MSI2: variants seen among roughly 807,000 people sequenced by gnomAD.
MSI2 encodes RNA-binding protein Musashi homolog 2.
Under a neutral mutation model 45.6 loss-of-function variants are expected in MSI2, and 17 were observed. That is an observed-to-expected ratio of 0.37 (90% CI 0.26 to 0.56). The LOEUF (loss-of-function observed/expected upper bound fraction) is 0.56, where lower values mean the gene tolerates loss of function less well. Among genes scored for constraint, MSI2 ranks in the 20% least tolerant of loss-of-function variants. MSI2 has a pLI of 0.77. For synonymous variants in MSI2, 156 were observed against 158.2 expected, an observed-to-expected ratio of 0.99 and a Z score of 0.11; for missense variants, 293 against 444.2, an observed-to-expected ratio of 0.66 and a Z score of 3.06.
At chr17:57,287,092 T>G (rs1045889513) in intron 5 of MSI2, among the ~76,000 whole-genome samples, 2 of 151,406 alleles carry the variant, frequency 1.3e-5, no homozygotes, top group Non-Finnish European at 2.9e-5. Flanking sequence ...ATATTTATCA[T>G]CTCTATAGTA....
chr17:57,699,322 T>C, the MSI2 span, among the ~76,000 whole-genome samples: 21 of 149,228 alleles, frequency 1.4e-4, no homozygotes, highest in African/African-American at 4.4e-4. Context: ...ACTGGGACCA[T>C]GAGGGACACT....
intron 11 of MSI2, among the ~76,000 whole-genome samples, chr17:57,667,591 A>G (rs866732069): frequency 5.3e-5 from 8 of 152,034 alleles, no homozygotes; most frequent in African/African-American, 1.9e-4. Context: ...GGCCCTCCGC[A>G]CTTGCCTCCT....
intron 7 of MSI2, among the ~76,000 whole-genome samples, chr17:57,594,844 G>T (rs977500657): frequency 2.0e-5 from 3 of 152,192 alleles, no homozygotes; most frequent in African/African-American, 7.2e-5. Context: ...AGACACTCAT[G>T]TCCACTTTAT....
At chr17:57,517,051 T>C (rs1408351954) in intron 6 of MSI2, among the ~76,000 whole-genome samples, 1 of 152,230 alleles carries the variant, frequency 6.6e-6, no homozygotes, top group Non-Finnish European at 1.5e-5. Context: ...AAGTTTGTTC[T>C]CAGCAGCATT....
chr17:57,606,897 G>C (rs147831799), intron 8 of MSI2, among the ~76,000 whole-genome samples: 115 of 150,894 alleles, frequency 7.6e-4, no homozygotes, highest in Non-Finnish European at 1.2e-3. Flanking sequence ...TGGGGTGATG[G>C]GGGGGGGTGG....
At chr17:57,286,574 T>C (rs1189632590) in intron 5 of MSI2, among the ~76,000 whole-genome samples, 1 of 152,024 alleles carries the variant, frequency 6.6e-6, no homozygotes. Context: ...CTGTTGGTAA[T>C]TGTGCTTCTC....
intron 6 of MSI2, among the ~76,000 whole-genome samples, chr17:57,458,150 GA>G (rs2085152720): frequency 6.8e-6 from 1 of 147,838 alleles, no homozygotes; most frequent in Non-Finnish European, 1.5e-5. Context: ...GCCCAGGCTG[GA>G]GTGCAGTGGC....
chr17:57,679,605 A>G lies in MSI2; in HGVS notation c.*88A>G. On this transcript the variant is annotated 3_prime_UTR_variant, in exon 14 of 14. Transcript: ENST00000284073. ...GAAGTTTCTGAGTGGCCCTTTGTTT[A>G]GGTGATGTCCTCAGACCTGGACCCC... The G allele has an allele frequency of 9.4e-7, 1 of 1,063,060 alleles. No individual in the cohort carries two copies. The highest frequency in any genetic ancestry group is 1.6e-5 in the African/African-American group (1 of 61,060). The allele number at this position is 1,063,060 out of a possible 1,614,324, so 65.9% of individuals were successfully genotyped here.
At chr17:57,464,799 A>T (rs1462051402) in intron 6 of MSI2, among the ~76,000 whole-genome samples, 1 of 152,212 alleles carries the variant, frequency 6.6e-6, no homozygotes, top group Non-Finnish European at 1.5e-5. Flanking sequence ...CTCTGGCTTC[A>T]GCTTGGCCAG....
At chr17:57,678,051 A>G (rs17730996) in intron 13 of MSI2, among the ~76,000 whole-genome samples, 17,967 of 152,230 alleles carry the variant, frequency 0.12, 1,248 homozygotes, top group Middle Eastern at 0.17. Context: ...AAGCCTTTCA[A>G]TCTTGGAGTT....
chr17:57,389,002 G>A (rs1171037156), intron 5 of MSI2, among the ~76,000 whole-genome samples: 4 of 128,926 alleles, frequency 3.1e-5, no homozygotes, highest in African/African-American at 5.9e-5. Flanking sequence ...TTTTTGATAC[G>A]GAGTCTCACT....
intron 6 of MSI2, among the ~76,000 whole-genome samples, chr17:57,442,129 C>T (rs934653769): frequency 4.0e-5 from 6 of 151,890 alleles, no homozygotes; most frequent in Non-Finnish European, 5.9e-5. Flanking sequence ...CTCCACCTCC[C>T]GGGTTCAAGC....
chr17:57,358,194 T>TGG (rs1567778399), intron 5 of MSI2, among the ~76,000 whole-genome samples: 24 of 69,988 alleles, frequency 3.4e-4, no homozygotes, highest in African/African-American at 1.3e-3. Flanking sequence ...TTTTTCTGTG[T>TGG]GTGTGGGGGG....
chr17:57,479,714 G>A (rs764346607), intron 6 of MSI2, among the ~76,000 whole-genome samples: 5 of 152,108 alleles, frequency 3.3e-5, no homozygotes, highest in Non-Finnish European at 5.9e-5. Flanking sequence ...TCTTCATGGT[G>A]GGCTGTCACC....
chr17:57,695,849 C>T, the MSI2 span, among the ~76,000 whole-genome samples: 1 of 152,108 alleles, frequency 6.6e-6, no homozygotes, highest in Non-Finnish European at 1.5e-5. Context: ...CGGCTCTCTT[C>T]CTGGCTTGTA....
rs376913016 is a variant in MSI2 at position 57,588,530 on chromosome 17, G to A, written c.455-8338G>A. Among the ~76,000 whole-genome samples, 35 of 152,336 alleles carry A rather than the reference G, an allele frequency of 2.3e-4. No homozygotes were observed. In the South Asian group the frequency reaches 7.2e-3, roughly 32 times the overall value. The stretch of plus-strand genomic sequence containing the variant: ...TGCTCATCCTGGTTAGACTGGCTTA[G>A]GAGATACTCTAGCTGTTTTTCTGTG... On this transcript the variant is annotated intron_variant, in intron 7 of 13. Transcript: ENST00000284073.
chr17:57,264,471 C>A (rs554787848), intron 5 of MSI2: 2 of 152,340 alleles, frequency 1.3e-5, no homozygotes, highest in East Asian at 3.9e-4. Flanking sequence ...CCTCTGCCCC[C>A]CAGAGTGCTG....
chr17:57,319,307 G>T (rs1346897185), intron 5 of MSI2, among the ~76,000 whole-genome samples: 2 of 152,280 alleles, frequency 1.3e-5, no homozygotes, highest in Middle Eastern at 3.4e-3. Flanking sequence ...TCAGAGAAGC[G>T]AGGTGACCTT....
intron 5 of MSI2, among the ~76,000 whole-genome samples, chr17:57,304,350 C>T (rs1427713406): frequency 7.6e-6 from 1 of 132,292 alleles, no homozygotes; most frequent in African/African-American, 2.9e-5. Context: ...GAGTGAGACT[C>T]TGTCTCCAAA....
Sources: allele counts gnomAD v4.1 joint callset (sites outside exome capture counted in the v4.1 genomes callset), GRCh38; gene constraint gnomAD v4.1.1; transcripts MANE v1.5; gene names NCBI Gene and HGNC (gene_info 2026-07-23, HGNC 2026-07-21).